The following MID1 variants were observed in gnomAD, a reference collection of about 807,000 sequenced individuals.
MID1 encodes E3 ubiquitin-protein ligase Midline-1.
MID1 carries 7 observed loss-of-function variants against 40.4 expected under a neutral mutation model. The observed-to-expected ratio is 0.17, with a 90% CI of 0.10 to 0.33. The LOEUF (loss-of-function observed/expected upper bound fraction) is 0.33, where lower values mean the gene tolerates loss of function less well. Among genes scored for constraint, MID1 ranks in the 10% least tolerant of loss-of-function variants. The pLI is 1.00. For missense variants in MID1, 367 were observed against 558.5 expected, an observed-to-expected ratio of 0.66 and a Z score of 3.46; for synonymous variants, 229 against 221.2, an observed-to-expected ratio of 1.04 and a Z score of -0.31.
At chrX:10,582,386 A>G (rs1045793180) in intron 1 of MID1, among the ~76,000 whole-genome samples, 4 of 112,115 alleles carry the variant, frequency 3.6e-5, no homozygotes, top group Non-Finnish European at 5.6e-5. Flanking sequence ...GCTCCAGCTC[A>G]CAAGAGGTAC....
intron 3 of MID1, among the ~76,000 whole-genome samples, chrX:10,496,364 T>C (rs1482193335): frequency 8.9e-6 from 1 of 112,350 alleles, no homozygotes; most frequent in Non-Finnish European, 1.9e-5. Flanking sequence ...TTAGAGTGGC[T>C]TGTATTTGAA....
At chrX:10,745,578 A>G (rs906000248) in intron 1 of MID1, among the ~76,000 whole-genome samples, 1 of 112,607 alleles carries the variant, frequency 8.9e-6, no homozygotes, top group African/African-American at 3.2e-5. Context: ...AAACAGTAAA[A>G]AGAGAAGCGC....
chrX:10,447,571 T>G lies in MID1; in HGVS notation c.*1797A>C, dbSNP rs181199467. On this transcript the variant is annotated 3_prime_UTR_variant, in exon 10 of 10. Coordinates refer to ENST00000317552, the MANE Select transcript of MID1 (RefSeq NM_000381.4). ...CTATAAGGTTTCCAGAGAAAGATTG[T>G]TTTTTTTCCATTGAGGCGTCCATCT... The G allele has an allele frequency of 5.4e-5, 6 of 111,768 alleles. 1 individual carries two copies. The East Asian group carries it at 1.7e-3, about 31-fold the overall frequency. The allele number at this position is 111,768 out of a possible 1,213,427, so 9.2% of individuals were successfully genotyped here.
intron 3 of MID1, among the ~76,000 whole-genome samples, chrX:10,501,138 G>A (rs924975444): frequency 8.9e-6 from 1 of 111,832 alleles, no homozygotes; most frequent in Non-Finnish European, 1.9e-5. Context: ...ATGAAACCCT[G>A]TCTCTACTAA....
intron 2 of MID1, among the ~76,000 whole-genome samples, chrX:10,526,766 T>C (rs1385756685): frequency 8.9e-6 from 1 of 111,799 alleles, no homozygotes; most frequent in Non-Finnish European, 1.9e-5. Context: ...CCAGATCCTT[T>C]GGGGTTATTC....
Position 10,523,132 on chromosome X carries a change from G to T in MID1, c.716C>A (p.Thr239Asn). 7.5e-6 allele frequency: 9 copies of T among 1,203,275 alleles called. No individual in the cohort carries two copies. The highest frequency in any genetic ancestry group is 1.8e-5 in the South Asian group (1 of 56,495). The change falls in exon 3 of 10, where the codon ACC (threonine) becomes AAC (asparagine). Residue 239 changes from threonine to asparagine, a missense_variant. Coordinates refer to ENST00000317552, the MANE Select transcript of MID1 (RefSeq NM_000381.4). ...NLIKRNTELETLLAKLIQTCQ... is the reference protein window; with the variant it reads ...NLIKRNTELENLLAKLIQTCQ... ...GGTTTGGATGAGTTTAGCCAAAAGGGTCTCCAGTTCTGTGTTCCTCTTAAT... is the reference window on the plus strand; with the variant it reads ...GGTTTGGATGAGTTTAGCCAAAAGGTTCTCCAGTTCTGTGTTCCTCTTAAT...
At chrX:10,800,765 CAG>C (rs745603363) in intron 1 of MID1, among the ~76,000 whole-genome samples, 2 of 112,044 alleles carry the variant, frequency 1.8e-5, no homozygotes, top group Non-Finnish European at 3.8e-5. Context: ...ATGCATAAAA[CAG>C]AGAGAGTGCA....
intron 1 of MID1, among the ~76,000 whole-genome samples, chrX:10,601,963 C>A (rs1935533289): frequency 9.4e-6 from 1 of 106,295 alleles, no homozygotes; most frequent in South Asian, 4.4e-4. Context: ...GTGGCGCAAT[C>A]TCGACTCACT....
intron 1 of MID1, among the ~76,000 whole-genome samples, chrX:10,595,130 T>A (rs747840928): frequency 5.8e-4 from 65 of 111,952 alleles, no homozygotes; most frequent in Middle Eastern, 4.6e-3. Flanking sequence ...AGTTAAAGCA[T>A]CTTCTCCAGG....
chrX:10,707,532 A>T (rs964689842), intron 1 of MID1, among the ~76,000 whole-genome samples: 1 of 112,230 alleles, frequency 8.9e-6, no homozygotes, highest in Non-Finnish European at 1.9e-5. Context: ...ACCTTATCTA[A>T]TTTTCAGATT....
intron 3 of MID1, among the ~76,000 whole-genome samples, chrX:10,500,473 G>A (rs962160156): frequency 1.8e-5 from 2 of 112,069 alleles, no homozygotes; most frequent in African/African-American, 3.2e-5. Context: ...CCAAATTCTT[G>A]TAACTCTAGT....
intron 1 of MID1, among the ~76,000 whole-genome samples, chrX:10,661,405 T>C (rs2042911335): frequency 9.2e-6 from 1 of 109,132 alleles, no homozygotes; most frequent in African/African-American, 3.4e-5. Flanking sequence ...CTCTACCTTC[T>C]GGGTTCACAC....
At chrX:10,802,509 C>CA (rs2044015994) in intron 1 of MID1, among the ~76,000 whole-genome samples, 2 of 111,624 alleles carry the variant, frequency 1.8e-5, no homozygotes, top group African/African-American at 3.3e-5. Context: ...ATTAAAAAGT[C>CA]AAAAAACAAC....
intron 1 of MID1, among the ~76,000 whole-genome samples, chrX:10,766,451 T>C (rs898722418): frequency 8.9e-6 from 1 of 112,019 alleles, no homozygotes; most frequent in African/African-American, 3.3e-5. Context: ...CATGTGGGAA[T>C]GTTCCATGCA....
intron 1 of MID1, among the ~76,000 whole-genome samples, chrX:10,603,398 T>C (rs769446221): frequency 1.1e-3 from 118 of 112,174 alleles, no homozygotes; most frequent in Middle Eastern, 4.6e-3. Context: ...CTAGGCAAAG[T>C]CTCTACAATC....
chrX:10,751,295 T>C (rs1176981816), intron 1 of MID1, among the ~76,000 whole-genome samples: 1 of 106,946 alleles, frequency 9.4e-6, no homozygotes, highest in Non-Finnish European at 1.9e-5. Flanking sequence ...AAAAAGAAAA[T>C]TATAAAAAAT....
intron 1 of MID1, among the ~76,000 whole-genome samples, chrX:10,705,148 T>G (rs1373552854): frequency 8.9e-6 from 1 of 112,622 alleles, no homozygotes; most frequent in Non-Finnish European, 1.9e-5. Flanking sequence ...TATGATTTTA[T>G]TTTATTCTGA....
chrX:10,565,762 CTTA>C (rs1470107257), intron 2 of MID1, among the ~76,000 whole-genome samples: 2 of 109,000 alleles, frequency 1.8e-5, no homozygotes, highest in African/African-American at 3.4e-5. Flanking sequence ...GGAGACTTGG[CTTA>C]TTATTTCTTC....
At chrX:10,632,502 G>T (rs1353621560) in intron 1 of MID1, among the ~76,000 whole-genome samples, 1 of 111,438 alleles carries the variant, frequency 9.0e-6, no homozygotes, top group African/African-American at 3.3e-5. Context: ...GAATTTTGAT[G>T]AGTAGCCAAG....
Sources: gnomAD v4.1 joint callset for allele counts (sites outside exome capture counted in the v4.1 genomes callset) on GRCh38, gnomAD v4.1.1 for gene constraint, MANE v1.5 for transcripts, NCBI Gene and HGNC (gene_info 2026-07-23, HGNC 2026-07-21) for gene names.